The following FGF20 variants were observed in gnomAD, a reference collection of about 807,000 sequenced individuals.
FGF20 encodes fibroblast growth factor 20.
Under a neutral mutation model 16.7 loss-of-function variants are expected in FGF20, and 8 were observed. That is an observed-to-expected ratio of 0.48 (90% confidence interval 0.28 to 0.87). The LOEUF (loss-of-function observed/expected upper bound fraction) is 0.87. FGF20 is among the 40% of genes least tolerant of loss of function. The pLI, the probability that FGF20 is intolerant of heterozygous loss-of-function variation, is 0.10. For missense variants in FGF20, 397 were observed against 281.4 expected, an observed-to-expected ratio of 1.41 and a Z score of -2.94; for synonymous variants, 161 against 118.6, an observed-to-expected ratio of 1.36 and a Z score of -2.32.
intron 1 of FGF20, among the ~76,000 whole-genome samples, chr8:17,000,821 T>C (rs1810163259): frequency 6.6e-6 from 1 of 151,902 alleles, no homozygotes; most frequent in Non-Finnish European, 1.5e-5. Flanking sequence ...GCCTTAACAA[T>C]CATTCTCTTG....
rs1810208863 is a variant in FGF20 at position 17,002,323 on chromosome 8, C to T, written c.-291G>A. The T allele has an allele frequency of 2.7e-6, 1 of 364,566 alleles. No homozygotes were observed. The highest frequency in any genetic ancestry group is 4.8e-6 in the Non-Finnish European group (1 of 206,982). The allele number at this position is 364,566 out of a possible 1,614,324, so 22.6% of individuals were successfully genotyped here. ...AGGGCTGTTGGCTGGGGCTCCAATT[C>T]CGCAAACTGATCAGATCAGAGTCCT... On this transcript the variant is annotated 5_prime_UTR_variant, in exon 1 of 3. Transcript: ENST00000180166.
chr8:16,996,366 T>A (rs1810047066), intron 1 of FGF20, among the ~76,000 whole-genome samples: 1 of 152,094 alleles, frequency 6.6e-6, no homozygotes, highest in Admixed American at 6.5e-5. Flanking sequence ...TGAATTCCAG[T>A]TCAGGAACTT....
intron 1 of FGF20, among the ~76,000 whole-genome samples, 168 bp from the exon 2 acceptor site, chr8:16,995,926 T>C (rs533429061): frequency 5.3e-5 from 8 of 152,314 alleles, no homozygotes; most frequent in Admixed American, 2.6e-4. Flanking sequence ...AATTGTTTTA[T>C]GACAGATGAA....
chr8:16,995,041 T>C (rs1264530949), intron 2 of FGF20, among the ~76,000 whole-genome samples: 2 of 152,166 alleles, frequency 1.3e-5, no homozygotes, highest in Admixed American at 1.3e-4. Flanking sequence ...TTAAGTGGCA[T>C]ATTTAAACAT....
At chr8:16,997,871 C>A (rs3988339) in intron 1 of FGF20, among the ~76,000 whole-genome samples, 142,921 of 152,324 alleles carry the variant, frequency 0.94, 67,096 homozygotes, top group East Asian at 1. Flanking sequence ...TTCATTCAGG[C>A]TATAATTACA....
intron 2 of FGF20, among the ~76,000 whole-genome samples, chr8:16,995,176 T>C (rs1015780723): frequency 6.6e-6 from 1 of 152,244 alleles, no homozygotes; most frequent in Admixed American, 6.5e-5. Context: ...ACAGTGTGTT[T>C]GCCATCTTCT....
At chr8:16,999,009 G>T (rs1317168850) in intron 1 of FGF20, among the ~76,000 whole-genome samples, 1 of 152,060 alleles carries the variant, frequency 6.6e-6, no homozygotes, top group Non-Finnish European at 1.5e-5. Context: ...AGTAACTGAA[G>T]TACTAGCAAA....
In FGF20 at chr8:16,993,107, G is replaced by A. The variant is rs936045906; in HGVS notation, c.601C>T (p.Pro201Ser). 6.8e-6 allele frequency: 11 copies of A among 1,613,966 alleles called. No individual in the cohort carries two copies. The highest frequency in any genetic ancestry group is 9.3e-6 in the Non-Finnish European group (11 of 1,179,980). ...LPRPVDPERV[P>S]ELYKDLLMYT is the part of the protein sequence containing the mutation. ...ATCAGTAGGTCCTTGTACAATTCTG[G>A]AACTCTTTCTGGATCCACTGGTCTA... The change falls in exon 3 of 3, where the codon CCA becomes TCA. Residue 201 changes from proline to serine, a missense_variant. Coordinates refer to ENST00000180166, the MANE Select transcript of FGF20 (RefSeq NM_019851.3).
chr8:16,995,808 G>A (rs771903540), intron 1 of FGF20, 50 bp from the exon 2 acceptor site: 2 of 1,091,792 alleles, frequency 1.8e-6, no homozygotes, highest in Admixed American at 2.0e-5. Context: ...ATTTATGCAT[G>A]AGCATATGAC....
chr8:16,997,126 T>A (rs1182308483), intron 1 of FGF20, among the ~76,000 whole-genome samples: 1 of 152,206 alleles, frequency 6.6e-6, no homozygotes, highest in African/African-American at 2.4e-5. Context: ...TCAAAAACTC[T>A]TCCCTAAATA....
chr8:16,999,793 C>T (rs1461000938), intron 1 of FGF20, among the ~76,000 whole-genome samples: 2 of 151,064 alleles, frequency 1.3e-5, no homozygotes, highest in African/African-American at 4.9e-5. Context: ...CCCGCCTCGG[C>T]CTCCCAAAGC....
chr8:16,994,014 CAATACCAG>C (rs1433048413), intron 2 of FGF20, among the ~76,000 whole-genome samples: 6 of 152,092 alleles, frequency 3.9e-5, no homozygotes, highest in Non-Finnish European at 7.4e-5. Context: ...GGCCACAGAC[CAATACCAG>C]TCTATGGCCC....
At chr8:16,998,114 T>C (rs10099573) in intron 1 of FGF20, among the ~76,000 whole-genome samples, 142,839 of 152,214 alleles carry the variant, frequency 0.94, 67,069 homozygotes, top group East Asian at 1. Flanking sequence ...ATAAAGTGTT[T>C]ATTTTTCTTG....
rs1809957495 is a variant in FGF20 at position 16,993,219 on chromosome 8, GC to G, written c.488del (p.Arg163ProfsTer46). On this transcript the variant is annotated frameshift_variant, in exon 3 of 3. Transcript: ENST00000180166. LOFTEE classifies it high-confidence loss of function. ...CTTTGTTAAGTGCCACAAAATACCT[GC>G]GGCCAGTGTCTCCATGTTTATATAT... is the stretch of plus-strand genomic sequence containing the variant. Reference protein sequence around the residue: ...SNIYKHGDTGRRYFVALNKDG... With the variant: ...SNIYKHGDTGXRYFVALNKDG... The G allele has an allele frequency of 1.3e-5, 21 of 1,613,968 alleles. No individual in the cohort carries two copies. Among genetic ancestry groups the G allele is most frequent in the Non-Finnish European group, 1.7e-5 (20 of 1,180,008 alleles).
At position 17,002,100 on chromosome 8, in the gene FGF20, G is replaced by T; in HGVS notation, c.-68C>A. ...GTGTTGTGGGGGTGGGATGGAGGTG[G>T]ATAGAGAAAAATTATAGCAAAACGA... On this transcript the variant is annotated 5_prime_UTR_variant, in exon 1 of 3. Transcript: ENST00000180166. 1.4e-6 allele frequency: 2 copies of T among 1,431,984 alleles called. No homozygotes were observed. Among genetic ancestry groups the T allele is most frequent in the Non-Finnish European group, 1.8e-6 (2 of 1,091,896 alleles). 88.7% of individuals were successfully genotyped at this position (1,431,984 alleles called of 1,614,324 possible). A position where few individuals can be genotyped will look rare whatever the true frequency, so the allele number is the denominator to read the frequency against.
In FGF20 at chr8:16,992,847, A is replaced by T. The variant is rs1809946071; in HGVS notation, c.*225T>A. ...TCAGTCTACTGGTAAGGACTAATCC[A>T]ATGTATCTAAGGGAACTTAATCCAC... On this transcript the variant is annotated 3_prime_UTR_variant, in exon 3 of 3. Transcript: ENST00000180166. The T allele has an allele frequency of 2.0e-6, 1 of 502,830 alleles. No individual in the cohort carries two copies. Among genetic ancestry groups the T allele is most frequent in the African/African-American group, 2.0e-5 (1 of 51,042 alleles). 31.1% of individuals were successfully genotyped at this position (502,830 alleles called of 1,614,324 possible). A position where few individuals can be genotyped will look rare whatever the true frequency, so the allele number is the denominator to read the frequency against.
At chr8:16,994,123 C>T (rs1484818232) in intron 2 of FGF20, among the ~76,000 whole-genome samples, 1 of 152,104 alleles carries the variant, frequency 6.6e-6, no homozygotes, top group Non-Finnish European at 1.5e-5. Flanking sequence ...CCTGAATTTT[C>T]TCATGTCCCA....
In FGF20 at chr8:16,999,321, T is replaced by C. The variant is rs17550032; in HGVS notation, c.286+2426A>G. Among the ~76,000 whole-genome samples, 993 of 152,282 alleles carry C rather than the reference T, an allele frequency of 6.5e-3. 15 individuals carry two copies. Among genetic ancestry groups the C allele is most frequent in the African/African-American group, 0.023 (945 of 41,556 alleles). On this transcript the variant is annotated intron_variant, in intron 1 of 2. Transcript: ENST00000180166. The stretch of plus-strand genomic sequence containing the variant: ...TAACACAAATTTCGCAAAAACAAAA[T>C]GTGCGAGCAAGATGATAATTCTGAT...
chr8:16,994,259 A>G (rs1015032592), intron 2 of FGF20, among the ~76,000 whole-genome samples: 3 of 152,186 alleles, frequency 2.0e-5, no homozygotes, highest in African/African-American at 4.8e-5. Flanking sequence ...AGATCTTGCT[A>G]AGAACCAAAT....
Sources: allele counts gnomAD v4.1 joint callset (sites outside exome capture counted in the v4.1 genomes callset), GRCh38; gene constraint gnomAD v4.1.1; transcripts MANE v1.5; gene names NCBI Gene and HGNC (gene_info 2026-07-23, HGNC 2026-07-21).